The following CDH13 variants were observed in gnomAD, a reference collection of about 807,000 sequenced individuals.
CDH13 encodes the protein cadherin 13.
In CDH13, 24 loss-of-function variants were observed where a neutral mutation model predicts 63.8. The observed-to-expected ratio is 0.38, with a 90% CI of 0.27 to 0.53. The LOEUF is 0.53. Ranked by LOEUF, CDH13 falls within the 20% of genes least tolerant of loss-of-function variation. The probability of loss-of-function intolerance (pLI) is 0.85; values close to 1 mark genes in which losing one functional copy is unlikely to be tolerated. For synonymous variants in CDH13, 503 were observed against 355.3 expected, an observed-to-expected ratio of 1.42 and a Z score of -4.67; for missense variants, 1,049 against 903.1, an observed-to-expected ratio of 1.16 and a Z score of -2.07.
intron 1 of CDH13, among the ~76,000 whole-genome samples, chr16:82,695,064 G>A (rs555687029): frequency 2.6e-5 from 4 of 152,232 alleles, no homozygotes; most frequent in African/African-American, 7.2e-5. Flanking sequence ...GGCAGCGTGG[G>A]CAAAGTCCTG....
At chr16:82,711,513 C>T (rs1010997573) in intron 1 of CDH13, among the ~76,000 whole-genome samples, 1 of 152,012 alleles carries the variant, frequency 6.6e-6, no homozygotes, top group African/African-American at 2.4e-5. Flanking sequence ...GAGGTGATGC[C>T]ACTTGAAAAA....
chr16:83,374,755 T>C (rs2091431408), intron 6 of CDH13, among the ~76,000 whole-genome samples: 1 of 152,190 alleles, frequency 6.6e-6, no homozygotes. Flanking sequence ...TGTGAAAGAA[T>C]GACAGGTACC....
At chr16:83,651,229 C>T (rs1430582979) in intron 8 of CDH13, among the ~76,000 whole-genome samples, 1 of 152,162 alleles carries the variant, frequency 6.6e-6, no homozygotes, top group Non-Finnish European at 1.5e-5. Flanking sequence ...GACTAGGGTA[C>T]TGTAACAAAA....
chr16:83,725,471 C>T (rs995903194), intron 10 of CDH13: 4 of 152,466 alleles, frequency 2.6e-5, no homozygotes, highest in Admixed American at 2.0e-4. Context: ...TCTGCATCAC[C>T]CACCTTATCA....
In CDH13 at chr16:83,045,088, A is replaced by G. The variant is rs118121630; in HGVS notation, c.366+12870A>G. ...CTCCCAGAGAGATTCACATGGAGAT[A>G]CTTGGTCACTGCCGGCTTTGCGGTC... On this transcript the variant is annotated intron_variant, in intron 3 of 13. Transcript: ENST00000567109. 5.6e-3 allele frequency among the ~76,000 whole-genome samples: 846 copies of G among 152,326 alleles called. 10 individuals are homozygous for G. Among genetic ancestry groups the G allele is most frequent in the Middle Eastern group, 0.01 (3 of 294 alleles).
chr16:83,227,656 C>T (rs932486820), intron 5 of CDH13, among the ~76,000 whole-genome samples: 2 of 152,150 alleles, frequency 1.3e-5, no homozygotes, highest in Non-Finnish European at 2.9e-5. Context: ...GCAAAACCCC[C>T]AGGTAAAAAG....
intron 8 of CDH13, among the ~76,000 whole-genome samples, chr16:83,606,083 T>C (rs549427768): frequency 1.3e-5 from 2 of 152,248 alleles, no homozygotes; most frequent in East Asian, 3.9e-4. Context: ...AGAGGAAAGA[T>C]GGGGCTTATG....
chr16:82,832,209 T>C (rs1342121997), intron 1 of CDH13, among the ~76,000 whole-genome samples: 1 of 149,794 alleles, frequency 6.7e-6, no homozygotes, highest in Non-Finnish European at 1.5e-5. Context: ...ATTGAGTGCT[T>C]GCAAGTGGCC....
intron 2 of CDH13, among the ~76,000 whole-genome samples, chr16:82,937,970 A>G (rs2042721697): frequency 6.6e-6 from 1 of 152,202 alleles, no homozygotes; most frequent in African/African-American, 2.4e-5. Context: ...ATTTACTTTG[A>G]GTTTTTACTT....
At chr16:83,465,775 C>T (rs1432808215) in intron 6 of CDH13, among the ~76,000 whole-genome samples, 3 of 152,210 alleles carry the variant, frequency 2.0e-5, no homozygotes, top group East Asian at 1.9e-4. Flanking sequence ...CTTCTGGTTT[C>T]ATTCTTCACT....
At chr16:83,009,148 C>T (rs912210692) in intron 2 of CDH13, among the ~76,000 whole-genome samples, 1 of 152,168 alleles carries the variant, frequency 6.6e-6, no homozygotes, top group Non-Finnish European at 1.5e-5. Context: ...CACAGCCAAA[C>T]CAGATCATAG....
At chr16:83,138,246 G>A (rs1439027410) in intron 4 of CDH13, among the ~76,000 whole-genome samples, 1 of 152,110 alleles carries the variant, frequency 6.6e-6, no homozygotes, top group South Asian at 2.1e-4. Flanking sequence ...AATATTTACT[G>A]AGCAACTACT....
chr16:83,370,348 A>G (rs11647809), intron 6 of CDH13, among the ~76,000 whole-genome samples: 13,759 of 150,674 alleles, frequency 0.091, 874 homozygotes, highest in Non-Finnish European at 0.14. Context: ...AGGCTGCGCC[A>G]CTGCACTCCA....
At chr16:83,712,421 T>C (rs1908204339) in intron 10 of CDH13, among the ~76,000 whole-genome samples, 1 of 152,212 alleles carries the variant, frequency 6.6e-6, no homozygotes, top group Non-Finnish European at 1.5e-5. Context: ...GAATGAGGCA[T>C]GCATCTAAGA....
At chr16:82,877,141 G>T (rs2040533367) in intron 2 of CDH13, among the ~76,000 whole-genome samples, 1 of 152,212 alleles carries the variant, frequency 6.6e-6, no homozygotes, top group African/African-American at 2.4e-5. Flanking sequence ...CTTGTAGGGA[G>T]GGTATAGCCT....
At chr16:83,227,356 G>T (rs1303428740) in intron 5 of CDH13, among the ~76,000 whole-genome samples, 1 of 152,194 alleles carries the variant, frequency 6.6e-6, no homozygotes, top group Non-Finnish European at 1.5e-5. Flanking sequence ...TTGGCACATG[G>T]TATGGAAGCT....
rs34156503 is a variant in CDH13 at position 83,672,409 on chromosome 16, C to CTTTTTTTTTTTTTT, written c.1284+1458_1284+1471dup. Among the ~76,000 whole-genome samples the CTTTTTTTTTTTTTT allele has an allele frequency of 6.8e-4, 24 of 35,140 alleles. 6 individuals are homozygous for CTTTTTTTTTTTTTT. The highest frequency in any genetic ancestry group is 1.0e-3 in the Non-Finnish European group (20 of 19,852). 23.1% of individuals were successfully genotyped at this position (35,140 alleles called of 152,430 possible). A position where few individuals can be genotyped will look rare whatever the true frequency, so the allele number is the denominator to read the frequency against. ...AGAGTGAGGCAGCTCTCTGGATTCT[C>CTTTTTTTTTTTTTT]TTTTTTTTTTTTTTTTTTTTTTTTT... On this transcript the variant is annotated intron_variant, in intron 9 of 13. Coordinates refer to ENST00000567109, the MANE Select transcript of CDH13 (RefSeq NM_001257.5).
At chr16:83,458,553 C>T (rs1029405883) in intron 6 of CDH13, among the ~76,000 whole-genome samples, 11 of 152,188 alleles carry the variant, frequency 7.2e-5, no homozygotes, top group African/African-American at 2.4e-4. Context: ...CCCCCCACTA[C>T]AAAAAATCTT....
chr16:83,459,648 G>C (rs2073124736), intron 6 of CDH13, among the ~76,000 whole-genome samples: 1 of 152,208 alleles, frequency 6.6e-6, no homozygotes, highest in Admixed American at 6.5e-5. Flanking sequence ...TTCTAATGAA[G>C]GAGATTTTGG....
Sources: allele counts gnomAD v4.1 joint callset (sites outside exome capture counted in the v4.1 genomes callset), GRCh38; gene constraint gnomAD v4.1.1; transcripts MANE v1.5; gene names NCBI Gene and HGNC (gene_info 2026-07-23, HGNC 2026-07-21).